The following VWC2L variants were observed in gnomAD, a reference collection of about 807,000 sequenced individuals.
VWC2L encodes von Willebrand factor C domain containing 2 like.
A neutral mutation model predicts 21.6 loss-of-function variants in VWC2L; 10 were observed. That is an observed-to-expected ratio of 0.46 (90% CI 0.29 to 0.78). The LOEUF (loss-of-function observed/expected upper bound fraction) is 0.78. VWC2L is among the 30% of genes least tolerant of loss of function. VWC2L has a pLI of 0.10. For synonymous variants in VWC2L, 96 were observed against 94.3 expected (o/e 1.02, Z -0.10); for missense variants, 209 against 277.1 (o/e 0.75, Z 1.74).
chr2:214,456,016 C>A (rs190281081), intron 3 of VWC2L, among the ~76,000 whole-genome samples: 1 of 152,066 alleles, frequency 6.6e-6, no homozygotes, highest in African/African-American at 2.4e-5. Flanking sequence ...GATGGTATCC[C>A]TTTGATATAC....
At chr2:214,466,468 G>A (rs1260434117) in intron 3 of VWC2L, among the ~76,000 whole-genome samples, 4 of 152,048 alleles carry the variant, frequency 2.6e-5, no homozygotes, top group Non-Finnish European at 5.9e-5. Flanking sequence ...TGTTCCTTGT[G>A]CTTGTATTTC....
In VWC2L at chr2:214,467,408, A is replaced by C. The variant is rs866229694; in HGVS notation, c.520+30650A>C. 9.9e-5 allele frequency among the ~76,000 whole-genome samples: 15 copies of C among 152,182 alleles called. No homozygotes were observed. In the Middle Eastern group the frequency reaches 0.014, roughly 138 times the overall value. On this transcript the variant is annotated intron_variant, in intron 3 of 3. Coordinates refer to ENST00000312504, the MANE Select transcript of VWC2L (RefSeq NM_001080500.4). ...CTGAAATCTTAGCCCTGTTTCCTCA[A>C]CTTTTGCAGAAGTCATCTGATTTTC...
chr2:214,426,511 A>G (rs945637653), intron 2 of VWC2L, among the ~76,000 whole-genome samples: 1 of 152,250 alleles, frequency 6.6e-6, no homozygotes, highest in Non-Finnish European at 1.5e-5. Context: ...ACAAATACCA[A>G]TAATAGTTGG....
chr2:214,468,262 C>T (rs1043918577), intron 3 of VWC2L, among the ~76,000 whole-genome samples: 1 of 152,158 alleles, frequency 6.6e-6, no homozygotes, highest in African/African-American at 2.4e-5. Context: ...AGGGATCTGC[C>T]CGCCTTGGCC....
At chr2:214,458,513 G>A (rs1703089429) in intron 3 of VWC2L, among the ~76,000 whole-genome samples, 1 of 151,734 alleles carries the variant, frequency 6.6e-6, no homozygotes, top group Admixed American at 6.6e-5. Context: ...TCCTTAAGGG[G>A]CATCATTAGG....
chr2:214,446,336 AAT>A (rs2126182708), intron 3 of VWC2L, among the ~76,000 whole-genome samples: 1 of 152,348 alleles, frequency 6.6e-6, no homozygotes, highest in East Asian at 1.9e-4. Flanking sequence ...GTCAAAACAG[AAT>A]AGTTATAAAT....
At chr2:214,425,058 T>G (rs1431673398) in intron 2 of VWC2L, among the ~76,000 whole-genome samples, 1 of 152,234 alleles carries the variant, frequency 6.6e-6, no homozygotes, top group Non-Finnish European at 1.5e-5. Context: ...GCCATGCTCA[T>G]TCACTTACAT....
At chr2:214,447,790 C>T (rs1018279127) in intron 3 of VWC2L, among the ~76,000 whole-genome samples, 114 of 152,212 alleles carry the variant, frequency 7.5e-4, no homozygotes, top group Non-Finnish European at 1.9e-4. Context: ...CCCAGATTCC[C>T]TCCGTCTAAA....
intron 3 of VWC2L, among the ~76,000 whole-genome samples, chr2:214,568,454 C>G (rs12471530): frequency 0.69 from 104,240 of 152,086 alleles, 37,528 homozygotes; most frequent in East Asian, 0.83. Context: ...AAGACATACC[C>G]GAGACTAGGT....
intron 3 of VWC2L, among the ~76,000 whole-genome samples, chr2:214,462,738 T>C (rs1703160923): frequency 1.3e-5 from 2 of 152,196 alleles, no homozygotes; most frequent in Non-Finnish European, 2.9e-5. Context: ...TATAGAGTAA[T>C]CAACCTGAGA....
At position 214,578,388 on chromosome 2, in the gene VWC2L, C is replaced by A. The variant is rs1197873756; in HGVS notation, c.*2568C>A. ...CTCTCTTCAGAGAGTTTGCAGAAAG[C>A]AGGCTGTTCTGTGGCCTCTGATAAC... On this transcript the variant is annotated 3_prime_UTR_variant, in exon 4 of 4. Coordinates refer to ENST00000312504, the MANE Select transcript of VWC2L (RefSeq NM_001080500.4). The A allele has an allele frequency of 6.6e-6, 1 of 152,184 alleles. No homozygotes were observed. The highest frequency in any genetic ancestry group is 2.4e-5 in the African/African-American group (1 of 41,456). The allele number at this position is 152,184 out of a possible 1,614,324, so 9.4% of individuals were successfully genotyped here.
At chr2:214,477,681 C>A (rs1315300590) in intron 3 of VWC2L, among the ~76,000 whole-genome samples, 2 of 152,222 alleles carry the variant, frequency 1.3e-5, no homozygotes, top group Non-Finnish European at 2.9e-5. Flanking sequence ...TGCCTAACAT[C>A]ATATAACTAG....
intron 3 of VWC2L, among the ~76,000 whole-genome samples, chr2:214,460,458 T>G (rs769605297): frequency 1.3e-5 from 2 of 152,088 alleles, no homozygotes; most frequent in Non-Finnish European, 2.9e-5. Context: ...TCCTTTTTAT[T>G]CTCTTTGGAT....
intron 3 of VWC2L, among the ~76,000 whole-genome samples, chr2:214,500,988 G>A (rs909568529): frequency 1.8e-4 from 27 of 152,260 alleles, no homozygotes; most frequent in African/African-American, 6.3e-4. Context: ...CCTATAAACA[G>A]CATCTCTCTT....
chr2:214,501,488 C>G (rs554472563), intron 3 of VWC2L, among the ~76,000 whole-genome samples: 1 of 151,906 alleles, frequency 6.6e-6, no homozygotes, highest in South Asian at 2.1e-4. Flanking sequence ...TTTGGGAGTC[C>G]GAGGCGGTGA....
intron 3 of VWC2L, among the ~76,000 whole-genome samples, chr2:214,548,348 G>A (rs974973341): frequency 2.0e-5 from 3 of 152,052 alleles, no homozygotes; most frequent in Non-Finnish European, 2.9e-5. Context: ...TAGGATCTGC[G>A]TGGGCATTTA....
intron 3 of VWC2L, among the ~76,000 whole-genome samples, chr2:214,493,512 G>T (rs1688772598): frequency 6.6e-6 from 1 of 151,986 alleles, no homozygotes; most frequent in African/African-American, 2.4e-5. Context: ...CTATTCCTTT[G>T]CATTCTTGTG....
chr2:214,542,740 T>C (rs1689647365), intron 3 of VWC2L, among the ~76,000 whole-genome samples: 1 of 152,162 alleles, frequency 6.6e-6, no homozygotes, highest in African/African-American at 2.4e-5. Flanking sequence ...TCTCCGCCTT[T>C]CCTACTCCAG....
chr2:214,576,365 C>T lies in VWC2L; in HGVS notation c.*545C>T, dbSNP rs1340540506. ...ACACAAGAGCATCCAGTCAATTGCT[C>T]CCCTAGGGTGAATCATGCCCTGTAG... On this transcript the variant is annotated 3_prime_UTR_variant, in exon 4 of 4. Coordinates refer to ENST00000312504, the MANE Select transcript of VWC2L (RefSeq NM_001080500.4). 1 of 152,100 alleles carries T rather than the reference C, an allele frequency of 6.6e-6. No individual in the cohort carries two copies. The highest frequency in any genetic ancestry group is 1.9e-4 in the East Asian group (1 of 5,180). 9.4% of individuals were successfully genotyped at this position (152,100 alleles called of 1,614,324 possible).
Sources: allele counts gnomAD v4.1 joint callset (sites outside exome capture counted in the v4.1 genomes callset), GRCh38; gene constraint gnomAD v4.1.1; transcripts MANE v1.5; gene names NCBI Gene and HGNC (gene_info 2026-07-23, HGNC 2026-07-21).